The following SLC26A7 variants were observed in gnomAD, a reference collection of about 807,000 sequenced individuals.
SLC26A7 encodes the protein solute carrier family 26 member 7, also known as anion exchange transporter.
Under a neutral mutation model 82.5 loss-of-function variants are expected in SLC26A7, and 59 were observed. That is an observed-to-expected ratio of 0.72 (90% CI 0.58 to 0.89). The LOEUF is 0.89. Ranked by LOEUF, SLC26A7 falls within the 40% of genes least tolerant of loss-of-function variation. The pLI, the probability that SLC26A7 is intolerant of heterozygous loss-of-function variation, is 0.00. For missense variants in SLC26A7, 820 were observed against 793.0 expected (o/e 1.03, Z -0.41); for synonymous variants, 271 against 274.3 (o/e 0.99, Z 0.12).
chr8:91,317,414 A>G (rs1312428513), intron 4 of SLC26A7, among the ~76,000 whole-genome samples: 1 of 152,202 alleles, frequency 6.6e-6, no homozygotes, highest in African/African-American at 2.4e-5. Flanking sequence ...CACATATACA[A>G]ATAAGTCCTA....
chr8:91,216,855 T>C (rs1251088399), intron 1 of SLC26A7, among the ~76,000 whole-genome samples: 1 of 152,136 alleles, frequency 6.6e-6, no homozygotes, highest in Admixed American at 6.6e-5. Flanking sequence ...CATTTTATGG[T>C]CTATTTATAG....
intron 11 of SLC26A7, among the ~76,000 whole-genome samples, chr8:91,358,794 A>C (rs1403632357): frequency 6.6e-6 from 1 of 152,196 alleles, no homozygotes; most frequent in African/African-American, 2.4e-5. Flanking sequence ...ACATGGATGA[A>C]GCTGGAAACC....
rs758885919 is a variant in SLC26A7 at position 91,289,186 on chromosome 8, G to A, written c.244G>A (p.Gly82Arg). 6.2e-7 allele frequency: 1 copy of A among 1,613,982 alleles called. No individual in the cohort carries two copies. The highest frequency in any genetic ancestry group is 8.5e-7 in the Non-Finnish European group (1 of 1,179,944). ...SSVHPVFGLY[G>R]SLFPAIIYAI... ...TGTGCACCCAGTGTTTGGTTTATAT[G>A]GGTCTCTGTTTCCTGCCATAATTTA... is the stretch of plus-strand genomic sequence containing the variant. The change falls in exon 3 of 19, where the codon GGG (glycine) becomes AGG (arginine). Residue 82 changes from glycine to arginine, a missense_variant. Coordinates refer to ENST00000276609, the MANE Select transcript of SLC26A7 (RefSeq NM_052832.4).
At chr8:91,233,119 AAAGAAAC>A (rs1810331391) in intron 2 of SLC26A7, among the ~76,000 whole-genome samples, 1 of 152,198 alleles carries the variant, frequency 6.6e-6, no homozygotes, top group Admixed American at 6.5e-5. Flanking sequence ...CCCTAATGAA[AAAGAAAC>A]CATCAAACAG....
chr8:91,220,388 T>TAA (rs59098803), intron 2 of SLC26A7, among the ~76,000 whole-genome samples: 23 of 144,658 alleles, frequency 1.6e-4, no homozygotes, highest in African/African-American at 4.8e-4. Context: ...TTATTTCTTC[T>TAA]AAAAAAAAAA....
At chr8:91,356,060 A>G (rs1344902224) in intron 11 of SLC26A7, among the ~76,000 whole-genome samples, 1 of 150,112 alleles carries the variant, frequency 6.7e-6, no homozygotes, top group African/African-American at 2.5e-5. Context: ...ACATGAACTC[A>G]TCCTTTTTTA....
chr8:91,386,935 T>A (rs929549398), intron 15 of SLC26A7, among the ~76,000 whole-genome samples: 3 of 152,198 alleles, frequency 2.0e-5, no homozygotes, highest in African/African-American at 7.2e-5. Context: ...TAAGCTCCAA[T>A]ATACATTGTA....
intron 2 of SLC26A7, among the ~76,000 whole-genome samples, chr8:91,266,747 C>T (rs544156992): frequency 6.6e-6 from 1 of 151,904 alleles, no homozygotes; most frequent in South Asian, 2.1e-4. Flanking sequence ...TCTCTTGCCT[C>T]ATTGCTCTAG....
At chr8:91,343,511 C>A in intron 9 of SLC26A7, 45 bp downstream of exon 9, 1 of 1,380,012 alleles carries the variant, frequency 7.2e-7, no homozygotes, top group Non-Finnish European at 1.0e-6. Flanking sequence ...TGGGCCTTCA[C>A]TCCCATTCTA....
At chr8:91,367,818 C>T (rs890025855) in intron 14 of SLC26A7, among the ~76,000 whole-genome samples, 1 of 152,096 alleles carries the variant, frequency 6.6e-6, no homozygotes, top group Non-Finnish European at 1.5e-5. Context: ...TTCTTGTGTC[C>T]TCGAGCTACT....
chr8:91,241,252 T>C (rs1386963483), intron 2 of SLC26A7, among the ~76,000 whole-genome samples: 2 of 152,138 alleles, frequency 1.3e-5, no homozygotes, highest in Non-Finnish European at 1.5e-5. Context: ...AGGCTTATGA[T>C]ATAAATCTCA....
intron 5 of SLC26A7, among the ~76,000 whole-genome samples, chr8:91,327,985 C>T (rs986250161): frequency 2.6e-5 from 4 of 151,954 alleles, no homozygotes; most frequent in Non-Finnish European, 5.9e-5. Flanking sequence ...CATTTTTTCT[C>T]ATGTATATTT....
chr8:91,287,786 G>A (rs1811750496), intron 2 of SLC26A7, among the ~76,000 whole-genome samples: 1 of 152,150 alleles, frequency 6.6e-6, no homozygotes, highest in African/African-American at 2.4e-5. Context: ...ATGCCAAAAG[G>A]TGCTTCTTGG....
Position 91,249,853 on chromosome 8 carries a change from T to A in SLC26A7, c.193+9T>A, listed in dbSNP as rs747889461. The stretch of plus-strand genomic sequence containing the variant: ...TCAACAGGTGACCCAAGGTAATGTA[T>A]TGCATTTGAGTTTCCTGTATTATGC... On this transcript the variant is annotated intron_variant, in intron 2 of 18. Transcript: ENST00000276609. The A allele has an allele frequency of 6.3e-7, 1 of 1,590,634 alleles. No homozygotes were observed. The highest frequency in any genetic ancestry group is 8.5e-7 in the Non-Finnish European group (1 of 1,170,790).
intron 12 of SLC26A7, 67 bp downstream of exon 12, chr8:91,362,526 T>C (rs1407920180): frequency 7.9e-6 from 9 of 1,137,264 alleles, no homozygotes; most frequent in Non-Finnish European, 1.2e-5. Context: ...ACTTGCCATA[T>C]GGTACTTGCT....
chr8:91,289,659 A>AT (rs1811810203), intron 3 of SLC26A7, among the ~76,000 whole-genome samples: 1 of 152,080 alleles, frequency 6.6e-6, no homozygotes, highest in African/African-American at 2.4e-5. Context: ...AAAAAAAAAA[A>AT]GGAAGGGAAA....
Position 91,352,885 on chromosome 8 carries a change from T to TA in SLC26A7, c.1219-15dup, listed in dbSNP as rs1813757387. Reference sequence around the variant, plus strand: ...TTTTTATGTTGCTTCTTCTTCAACTTACGTTTTATTTCTAGTGTGTCCTTG... The same window carrying TA: ...TTTTTATGTTGCTTCTTCTTCAACTTAACGTTTTATTTCTAGTGTGTCCTTG... On this transcript the variant is annotated splice_polypyrimidine_tract_variant and intron_variant, in intron 10 of 18. Transcript: ENST00000276609. 6.3e-7 allele frequency: 1 copy of TA among 1,576,810 alleles called. No individual in the cohort carries two copies. Among genetic ancestry groups the TA allele is most frequent in the Non-Finnish European group, 8.6e-7 (1 of 1,159,520 alleles).
intron 2 of SLC26A7, among the ~76,000 whole-genome samples, chr8:91,227,408 A>G (rs1347260764): frequency 1.3e-5 from 2 of 152,200 alleles, no homozygotes; most frequent in Admixed American, 1.3e-4. Context: ...GTGGGGGAGT[A>G]GTTTCAAACA....
chr8:91,318,818 T>A (rs1812712639), intron 5 of SLC26A7, among the ~76,000 whole-genome samples: 1 of 152,162 alleles, frequency 6.6e-6, no homozygotes, highest in Non-Finnish European at 1.5e-5. Flanking sequence ...GACAATCAGC[T>A]ATTAAAAACC....
Sources: gnomAD v4.1 joint callset for allele counts (sites outside exome capture counted in the v4.1 genomes callset) on GRCh38, gnomAD v4.1.1 for gene constraint, MANE v1.5 for transcripts, NCBI Gene and HGNC (gene_info 2026-07-23, HGNC 2026-07-21) for gene names.